Variants in CHURC1 observed in about 807,000 individuals in gnomAD.
CHURC1 encodes the protein protein Churchill.
CHURC1 carries 12 observed loss-of-function variants against 15.4 expected under a neutral mutation model. That is an observed-to-expected ratio of 0.78 (90% CI 0.50 to 1.27). The LOEUF is 1.27. Among genes scored for constraint, CHURC1 ranks in the 50% most tolerant of loss-of-function variants. The pLI is 0.00. For missense variants in CHURC1, 132 were observed against 137.8 expected (o/e 0.96, Z 0.21); for synonymous variants, 42 against 47.5 (o/e 0.88, Z 0.48).
At chr14:64,931,202 T>C (rs1381211911) in intron 3 of CHURC1, among the ~76,000 whole-genome samples, 2 of 152,220 alleles carry the variant, frequency 1.3e-5, no homozygotes. Context: ...CTCTGTAGTT[T>C]ATGACTGTTA....
At chr14:64,922,438 C>T (rs1887905430) in intron 1 of CHURC1, among the ~76,000 whole-genome samples, 3 of 151,734 alleles carry the variant, frequency 2.0e-5, no homozygotes, top group Non-Finnish European at 2.9e-5. Context: ...ATTAGCAGGG[C>T]GTGGTGGCGG....
intron 1 of CHURC1, among the ~76,000 whole-genome samples, chr14:64,922,577 CAA>C (rs572205182): frequency 0.16 from 13,008 of 83,554 alleles, 745 homozygotes; most frequent in African/African-American, 0.34. Flanking sequence ...GACTCCGTCT[CAA>C]AAAAAAAAAA....
chr14:64,930,756 C>G (rs558887971), intron 3 of CHURC1: 66 of 434,920 alleles, frequency 1.5e-4, no homozygotes, highest in East Asian at 4.9e-4. Flanking sequence ...CACATTTTCT[C>G]TTTTTGACTC....
rs1885120602 is a variant in CHURC1, at chr14:64,932,230, A to G, written c.339A>G (p.Ter113=). The part of the protein sequence containing the change: ...DDPRQMTLLF[*] Reference sequence around the variant, plus strand: ...CCCGACAAATGACTCTCTTATTCTAAGGATCCTTCTACAGATCTGTTATAA... The same window carrying G: ...CCCGACAAATGACTCTCTTATTCTAGGGATCCTTCTACAGATCTGTTATAA... The change falls in exon 4 of 4, where the codon TAA becomes TAG. Residue 113 remains the stop codon, a stop_retained_variant. Coordinates refer to ENST00000549115, the MANE Select transcript of CHURC1 (RefSeq NM_001386928.1). 6.2e-7 allele frequency: 1 copy of G among 1,613,794 alleles called. No individual in the cohort carries two copies. The highest frequency in any genetic ancestry group is 1.7e-5 in the Admixed American group (1 of 60,002).
intron 3 of CHURC1, among the ~76,000 whole-genome samples, chr14:64,928,560 CT>C (rs1472683534): frequency 1.3e-5 from 2 of 152,114 alleles, no homozygotes; most frequent in Non-Finnish European, 2.9e-5. Context: ...TTGAATGGGT[CT>C]TTACCCTATT....
chr14:64,934,794 TTA>T lies in CHURC1; in HGVS notation c.*2568_*2569del. ...TCATTTGAAGCCCAAGAGTCTAATT[TTA>T]TATGCCCTGCCAATGTCCTCATCTA... On this transcript the variant is annotated 3_prime_UTR_variant, in exon 4 of 4. Transcript: ENST00000549115. The T allele has an allele frequency of 1.0e-6, 1 of 985,432 alleles. No individual in the cohort carries two copies. Among genetic ancestry groups the T allele is most frequent in the South Asian group, 4.7e-5 (1 of 21,288 alleles). The allele number at this position is 985,432 out of a possible 1,614,324, so 61.0% of individuals were successfully genotyped here. A position where few individuals can be genotyped will look rare whatever the true frequency, so the allele number is the denominator to read the frequency against.
intron 3 of CHURC1, among the ~76,000 whole-genome samples, chr14:64,928,492 C>T (rs1594902158): frequency 6.6e-6 from 1 of 152,180 alleles, no homozygotes; most frequent in Admixed American, 6.5e-5. Context: ...TCAAACAGTC[C>T]TCCTGCCTCA....
intron 1 of CHURC1, 111 bp downstream of exon 1, chr14:64,914,645 G>T (rs1594884833): frequency 7.0e-6 from 11 of 1,567,228 alleles, no homozygotes; most frequent in South Asian, 1.2e-5. Context: ...CGCACTGCCG[G>T]TCCCGGTGAC....
chr14:64,929,979 A>G lies in CHURC1; in HGVS notation c.247-2159A>G, dbSNP rs527442291. Among the ~76,000 whole-genome samples the G allele has an allele frequency of 7.3e-5, 11 of 151,530 alleles. 1 individual carries two copies. Among genetic ancestry groups the G allele is most frequent in the Middle Eastern group, 3.4e-3 (1 of 292 alleles). The stretch of plus-strand genomic sequence containing the variant: ...CACACCAAAATTGTGTGTTTACTTC[A>G]AGAAACAAGACAGAAACTATGAGAC... On this transcript the variant is annotated intron_variant, in intron 3 of 3. Transcript: ENST00000549115.
intron 2 of CHURC1, among the ~76,000 whole-genome samples, chr14:64,925,696 C>CAAAAAAAAA (rs3033506): frequency 6.0e-5 from 4 of 66,176 alleles, no homozygotes; most frequent in Admixed American, 1.9e-4. Context: ...GACCCGGCCT[C>CAAAAAAAAA]AAAAAAAAAA....
rs888440359 is a variant in CHURC1 at position 64,932,548 on chromosome 14, C to G, written c.*318C>G. On this transcript the variant is annotated 3_prime_UTR_variant, in exon 4 of 4. Transcript: ENST00000549115. ...GTTTCCAATAAAAGGAACCAGGACTCCTTAGAAAATGAACTGATTCTAGAA... is the reference window on the plus strand; with the variant it reads ...GTTTCCAATAAAAGGAACCAGGACTGCTTAGAAAATGAACTGATTCTAGAA... 3 of 812,622 alleles carry G rather than the reference C, an allele frequency of 3.7e-6. No individual in the cohort carries two copies. Among genetic ancestry groups the G allele is most frequent in the Non-Finnish European group, 1.5e-6 (1 of 656,618 alleles). The allele number at this position is 812,622 out of a possible 1,614,324, so 50.3% of individuals were successfully genotyped here.
chr14:64,934,757 C>T lies in CHURC1; in HGVS notation c.*2527C>T. 1.0e-6 allele frequency: 1 copy of T among 985,432 alleles called. No homozygotes were observed. Among genetic ancestry groups the T allele is most frequent in the Non-Finnish European group, 1.2e-6 (1 of 829,926 alleles). 61.0% of individuals were successfully genotyped at this position (985,432 alleles called of 1,614,324 possible). ...TGTCCCTTCCTTGAGTTTGCTAATG[C>T]TTCCAACTTAGTCATTTGAAGCCCA... On this transcript the variant is annotated 3_prime_UTR_variant, in exon 4 of 4. Coordinates refer to ENST00000549115, the MANE Select transcript of CHURC1 (RefSeq NM_001386928.1).
At chr14:64,915,093 C>T (rs1008257869) in intron 1 of CHURC1, among the ~76,000 whole-genome samples, 5 of 152,228 alleles carry the variant, frequency 3.3e-5, no homozygotes, top group African/African-American at 9.6e-5. Flanking sequence ...CTTGTCTATT[C>T]TCATTCATTC....
intron 1 of CHURC1, among the ~76,000 whole-genome samples, chr14:64,918,657 A>G (rs1180047491): frequency 1.3e-5 from 2 of 152,126 alleles, no homozygotes; most frequent in Non-Finnish European, 2.9e-5. Flanking sequence ...GTGAGACCCC[A>G]TCCTTATTAA....
Position 64,932,374 on chromosome 14 carries a change from G to A in CHURC1, c.*144G>A. 1 of 1,424,996 alleles carries A rather than the reference G, an allele frequency of 7.0e-7. No individual in the cohort carries two copies. The highest frequency in any genetic ancestry group is 9.2e-7 in the Non-Finnish European group (1 of 1,087,308). The allele number at this position is 1,424,996 out of a possible 1,614,324, so 88.3% of individuals were successfully genotyped here. On this transcript the variant is annotated 3_prime_UTR_variant, in exon 4 of 4. Transcript: ENST00000549115. ...CTTACTTATTCTTTGAGGAAAAAAGGTAATGTAGGAGCTCATTGTTCTCTA... is the reference window on the plus strand; with the variant it reads ...CTTACTTATTCTTTGAGGAAAAAAGATAATGTAGGAGCTCATTGTTCTCTA...
At chr14:64,927,113 A>G (rs1884765714) in intron 3 of CHURC1, among the ~76,000 whole-genome samples, 1 of 152,248 alleles carries the variant, frequency 6.6e-6, no homozygotes, top group African/African-American at 2.4e-5. Context: ...GAAAATAATA[A>G]TAATCTTCCA....
intron 3 of CHURC1, among the ~76,000 whole-genome samples, chr14:64,927,731 G>A (rs1181234814): frequency 3.2e-4 from 4 of 12,338 alleles, no homozygotes; most frequent in African/African-American, 1.5e-3. Context: ...CCCCCCCGCC[G>A]TCAATTCATA....
At chr14:64,914,697 G>A (rs1270656878) in intron 1 of CHURC1, among the ~76,000 whole-genome samples, 163 bp downstream of exon 1, 4 of 152,216 alleles carry the variant, frequency 2.6e-5, no homozygotes, top group Non-Finnish European at 5.9e-5. Flanking sequence ...GCCTGTGGCG[G>A]TCTGCACCTC....
rs1182640965 is a variant in CHURC1, at chr14:64,934,636, C to T, written c.*2406C>T. The T allele has an allele frequency of 2.0e-6, 2 of 985,256 alleles. No homozygotes were observed. Among genetic ancestry groups the T allele is most frequent in the Admixed American group, 1.2e-4 (2 of 16,266 alleles). 61.0% of individuals were successfully genotyped at this position (985,256 alleles called of 1,614,324 possible). A position where few individuals can be genotyped will look rare whatever the true frequency, so the allele number is the denominator to read the frequency against. On this transcript the variant is annotated 3_prime_UTR_variant, in exon 4 of 4. Transcript: ENST00000549115. ...ATTTTGCTGCAAATCTATATCTGAC[C>T]TGCTGAGGAAATCGTTTGGTGAAAT...
Sources: allele counts gnomAD v4.1 joint callset (sites outside exome capture counted in the v4.1 genomes callset), GRCh38; gene constraint gnomAD v4.1.1; transcripts MANE v1.5; gene names NCBI Gene and HGNC (gene_info 2026-07-23, HGNC 2026-07-21).